CNTN4: variants seen among roughly 807,000 people sequenced by gnomAD.
The protein encoded by CNTN4 is contactin 4.
In CNTN4, 77 loss-of-function variants were observed where a neutral mutation model predicts 122.5. The observed-to-expected ratio is 0.63, with a 90% CI of 0.52 to 0.76. The LOEUF is 0.76. CNTN4 is among the 30% of genes least tolerant of loss of function. The pLI, the probability that CNTN4 is intolerant of heterozygous loss-of-function variation, is 0.00. For missense variants in CNTN4, 1,256 were observed against 1,259.1 expected, an observed-to-expected ratio of 1.00 and a Z score of 0.04; for synonymous variants, 512 against 447.0, an observed-to-expected ratio of 1.15 and a Z score of -1.83.
intron 3 of CNTN4, among the ~76,000 whole-genome samples, chr3:2,379,691 A>G (rs538168711): frequency 3.6e-4 from 55 of 152,228 alleles, no homozygotes; most frequent in Non-Finnish European, 7.1e-4. Context: ...AGGCTATTTG[A>G]TCTTGGGAAC....
rs113998810 is a variant in CNTN4, at chr3:3,033,612, T to C, written c.1784-1020T>C. ...AATCCTTCCTAGGAACATCTCCTTATGCCCGTCTAATGGGCATGAGGTTTG... is the reference window on the plus strand; with the variant it reads ...AATCCTTCCTAGGAACATCTCCTTACGCCCGTCTAATGGGCATGAGGTTTG... On this transcript the variant is annotated intron_variant, in intron 16 of 24. Transcript: ENST00000418658. Among the ~76,000 whole-genome samples the C allele has an allele frequency of 8.5e-3, 1,299 of 152,332 alleles. 11 individuals are homozygous for C. Among genetic ancestry groups the C allele is most frequent in the Middle Eastern group, 0.037 (11 of 294 alleles).
At chr3:2,739,110 A>G (rs748086558) in intron 5 of CNTN4, among the ~76,000 whole-genome samples, 1 of 152,148 alleles carries the variant, frequency 6.6e-6, no homozygotes, top group Non-Finnish European at 1.5e-5. Flanking sequence ...TAGGAAAATG[A>G]AAACCAAAAA....
intron 3 of CNTN4, among the ~76,000 whole-genome samples, chr3:2,544,025 C>T (rs1243839444): frequency 6.6e-6 from 1 of 152,018 alleles, no homozygotes; most frequent in Non-Finnish European, 1.5e-5. Context: ...ACAAGAGAAT[C>T]CTTATTATTA....
chr3:2,291,413 A>G (rs1270756583), intron 2 of CNTN4, among the ~76,000 whole-genome samples: 1 of 152,200 alleles, frequency 6.6e-6, no homozygotes, highest in African/African-American at 2.4e-5. Flanking sequence ...CAATTAGACT[A>G]GCAGAGTCAC....
At chr3:2,554,628 G>T (rs1020004133) in intron 3 of CNTN4, among the ~76,000 whole-genome samples, 2 of 152,048 alleles carry the variant, frequency 1.3e-5, no homozygotes, top group Non-Finnish European at 2.9e-5. Context: ...TTTTATAGGC[G>T]ATATGATTTT....
chr3:2,569,602 G>A (rs919873117), intron 3 of CNTN4, among the ~76,000 whole-genome samples: 6 of 152,026 alleles, frequency 3.9e-5, no homozygotes, highest in Non-Finnish European at 5.9e-5. Context: ...GCAATGTAGG[G>A]TGCTGCAGAG....
chr3:2,368,071 C>T (rs144230742), intron 3 of CNTN4, among the ~76,000 whole-genome samples: 7,651 of 137,758 alleles, frequency 0.056, 237 homozygotes, highest in Middle Eastern at 0.074. Context: ...GTCGCTCTGT[C>T]GCCCAGGCTG....
intron 3 of CNTN4, among the ~76,000 whole-genome samples, chr3:2,350,743 T>G (rs1463621400): frequency 6.6e-6 from 1 of 152,190 alleles, no homozygotes; most frequent in Non-Finnish European, 1.5e-5. Flanking sequence ...TACATTGAAT[T>G]TAATCAGGAA....
intron 8 of CNTN4, among the ~76,000 whole-genome samples, chr3:2,876,876 A>C (rs2093850779): frequency 1.3e-5 from 2 of 152,158 alleles, no homozygotes; most frequent in African/African-American, 4.8e-5. Flanking sequence ...TATGTTTATT[A>C]ATGTTAGGTG....
At chr3:2,971,674 A>G (rs892090232) in intron 13 of CNTN4, among the ~76,000 whole-genome samples, 2 of 152,222 alleles carry the variant, frequency 1.3e-5, no homozygotes, top group African/African-American at 2.4e-5. Context: ...AGTAAATTTT[A>G]TACCATTTTT....
chr3:2,547,025 T>G (rs1401753064), intron 3 of CNTN4, among the ~76,000 whole-genome samples: 3 of 151,924 alleles, frequency 2.0e-5, no homozygotes, highest in Non-Finnish European at 4.4e-5. Flanking sequence ...TAAGACAAAT[T>G]TAAGACATGC....
Position 2,476,723 on chromosome 3 carries a change from G to C in CNTN4, c.-88-94693G>C, listed in dbSNP as rs190877592. ...GGGGTAATAGAAATATTCTAAAATT[G>C]GATTGTGATTATGATTGTGCTATTC... On this transcript the variant is annotated intron_variant, in intron 3 of 24. Coordinates refer to ENST00000418658, the MANE Select transcript of CNTN4 (RefSeq NM_175607.3). 1.5e-3 allele frequency among the ~76,000 whole-genome samples: 229 copies of C among 152,136 alleles called. 2 individuals carry two copies. Among genetic ancestry groups the C allele is most frequent in the African/African-American group, 5.5e-3 (227 of 41,518 alleles).
chr3:2,539,188 G>A (rs1424636438), intron 3 of CNTN4, among the ~76,000 whole-genome samples: 6 of 151,994 alleles, frequency 3.9e-5, no homozygotes, highest in African/African-American at 1.4e-4. Flanking sequence ...AATTTAGGTT[G>A]ACAATTTATT....
rs182471988 is a variant in CNTN4, at chr3:2,988,242, G to A, written c.1359-103G>A. Reference sequence around the variant, plus strand: ...TGTCATCTTTACTACAAATAATGTAGCAATGATTTATGGTTTGAACAATGA... The same window carrying A: ...TGTCATCTTTACTACAAATAATGTAACAATGATTTATGGTTTGAACAATGA... On this transcript the variant is annotated intron_variant, in intron 13 of 24. Transcript: ENST00000418658. The A allele has an allele frequency of 1.5e-4, 164 of 1,077,774 alleles. No homozygotes were observed. The African/African-American group carries it at 2.3e-3, about 15-fold the overall frequency. 66.8% of individuals were successfully genotyped at this position (1,077,774 alleles called of 1,614,324 possible).
chr3:2,467,533 A>G (rs79319494), intron 3 of CNTN4, among the ~76,000 whole-genome samples: 1,826 of 152,258 alleles, frequency 0.012, 49 homozygotes, highest in African/African-American at 0.042. Context: ...TTTGTATGAC[A>G]ATTGGGAATT....
In CNTN4 at chr3:2,448,874, G is replaced by T. The variant is rs150830613; in HGVS notation, c.-89+109641G>T. Among the ~76,000 whole-genome samples, 23 of 152,252 alleles carry T rather than the reference G, an allele frequency of 1.5e-4. No homozygotes were observed. The East Asian group carries it at 4.4e-3, about 29-fold the overall frequency. On this transcript the variant is annotated intron_variant, in intron 3 of 24. Coordinates refer to ENST00000418658, the MANE Select transcript of CNTN4 (RefSeq NM_175607.3). ...ATGTATAGGAAAGCATCGTGTGAAT[G>T]ATGAGGTACCATATCAATATGAGGT...
At chr3:2,431,240 A>G (rs1305280864) in intron 3 of CNTN4, among the ~76,000 whole-genome samples, 2 of 152,202 alleles carry the variant, frequency 1.3e-5, no homozygotes, top group African/African-American at 2.4e-5. Flanking sequence ...TAAAAATAAG[A>G]TAGGCCAGTA....
At chr3:2,102,641 G>T (rs1353956477) in intron 2 of CNTN4, among the ~76,000 whole-genome samples, 3 of 152,136 alleles carry the variant, frequency 2.0e-5, no homozygotes, top group Admixed American at 6.5e-5. Flanking sequence ...GTGCTTACTT[G>T]CATCAAGCCA....
chr3:2,485,571 A>G (rs191971193), intron 3 of CNTN4, among the ~76,000 whole-genome samples: 38 of 152,178 alleles, frequency 2.5e-4, no homozygotes, highest in African/African-American at 8.0e-4. Flanking sequence ...CTCTGTGTCT[A>G]GTTCAAGGTT....
Sources: allele counts gnomAD v4.1 joint callset (sites outside exome capture counted in the v4.1 genomes callset), GRCh38; gene constraint gnomAD v4.1.1; transcripts MANE v1.5; gene names NCBI Gene and HGNC (gene_info 2026-07-23, HGNC 2026-07-21).